TESPA1: variants seen among roughly 807,000 people sequenced by gnomAD.
TESPA1 encodes the protein thymocyte expressed, positive selection associated 1.
A neutral mutation model predicts 57.9 loss-of-function variants in TESPA1; 33 were observed. The observed-to-expected ratio is 0.57, with a 90% CI of 0.43 to 0.76. The LOEUF (loss-of-function observed/expected upper bound fraction) is 0.76. Among genes scored for constraint, TESPA1 ranks in the 30% least tolerant of loss-of-function variants. The probability of loss-of-function intolerance (pLI) is 0.00; values close to 1 mark genes in which losing one functional copy is unlikely to be tolerated. For missense variants in TESPA1, 618 were observed against 632.9 expected, an observed-to-expected ratio of 0.98 and a Z score of 0.25; for synonymous variants, 227 against 228.9, an observed-to-expected ratio of 0.99 and a Z score of 0.07.
intron 3 of TESPA1, among the ~76,000 whole-genome samples, chr12:54,969,046 T>TATATATATATATATATATAC (rs71070858): frequency 0.016 from 1,925 of 123,766 alleles, 146 homozygotes; most frequent in East Asian, 0.085. Context: ...TATATATATA[T>TATATATATATATATATATAC]GTGTGTGTGT....
At chr12:54,956,419 T>C (rs1051134536) in intron 10 of TESPA1, among the ~76,000 whole-genome samples, 1 of 152,190 alleles carries the variant, frequency 6.6e-6, no homozygotes, top group Non-Finnish European at 1.5e-5. Context: ...AATAAAAACT[T>C]TCTCCTTGGC....
chr12:54,979,305 C>T (rs1952232993), intron 1 of TESPA1, among the ~76,000 whole-genome samples: 1 of 152,278 alleles, frequency 6.6e-6, no homozygotes, highest in African/African-American at 2.4e-5. Context: ...CTTGATGCTG[C>T]TTATAGTATG....
In TESPA1 at chr12:54,963,821, G is replaced by A; in HGVS notation, c.576C>T (p.Ala192=). 6.2e-7 allele frequency: 1 copy of A among 1,614,006 alleles called. No individual in the cohort carries two copies. Among genetic ancestry groups the A allele is most frequent in the Non-Finnish European group, 8.5e-7 (1 of 1,179,886 alleles). ...PARFFTTPSQ[A]KGIDFQLFLK... ...GGAAGAGCTGGAAATCAATGCCCTT[G>A]GCCTGAGAGGGGGTGGTGAAAAATC... Residue 192 remains alanine (A), a synonymous_variant, in exon 8 of 11, where the codon GCC becomes GCT. Coordinates refer to ENST00000449076, the MANE Select transcript of TESPA1 (RefSeq NM_001136030.3).
Position 54,973,527 on chromosome 12 carries a change from A to T in TESPA1, c.164-8T>A. 6.2e-7 allele frequency: 1 copy of T among 1,614,032 alleles called. No homozygotes were observed. The highest frequency in any genetic ancestry group is 8.5e-7 in the Non-Finnish European group (1 of 1,179,894). On this transcript the variant is annotated splice_polypyrimidine_tract_variant and splice_region_variant and intron_variant, in intron 2 of 10. Coordinates refer to ENST00000449076, the MANE Select transcript of TESPA1 (RefSeq NM_001136030.3). ...TTTTATTGATTGGATTCCCTAGAAA[A>T]GTCAGACACTAGATCACTGTGAGAA...
intron 10 of TESPA1, among the ~76,000 whole-genome samples, chr12:54,958,729 C>A (rs2450849): frequency 0.71 from 107,201 of 151,976 alleles, 38,213 homozygotes; most frequent in South Asian, 0.83. Flanking sequence ...CTTAGCTTTT[C>A]AGTTTTGGTG....
intron 8 of TESPA1, 143 bp downstream of exon 8, chr12:54,963,599 T>C (rs555106979): frequency 7.3e-5 from 70 of 960,106 alleles, no homozygotes; most frequent in Non-Finnish European, 9.9e-5. Flanking sequence ...CCATCTTCAC[T>C]GAAGACAACA....
Position 54,948,371 on chromosome 12 carries a change from G to T in TESPA1, c.*2021C>A. On this transcript the variant is annotated 3_prime_UTR_variant, in exon 11 of 11. Coordinates refer to ENST00000449076, the MANE Select transcript of TESPA1 (RefSeq NM_001136030.3). ...CTTGGGCTCAGAGGCCTGACAGTTT[G>T]GATCTGTGTCCTCACCCAAATCTCA... The T allele has an allele frequency of 5.7e-6, 1 of 175,336 alleles. No individual in the cohort carries two copies. Among genetic ancestry groups the T allele is most frequent in the Non-Finnish European group, 1.2e-5 (1 of 84,448 alleles). 10.9% of individuals were successfully genotyped at this position (175,336 alleles called of 1,614,324 possible). A position where few individuals can be genotyped will look rare whatever the true frequency, so the allele number is the denominator to read the frequency against.
rs765306333 is a variant in TESPA1, at chr12:54,974,558, T to A, written c.5A>T (p.Glu2Val). M[E>V]ASVLSPTSWE... ...GGATGTGGGGCTCAGCACAGAGGCCTCCATGGCCCTGGCTCAGACTTCAGG... is the reference window on the plus strand; with the variant it reads ...GGATGTGGGGCTCAGCACAGAGGCCACCATGGCCCTGGCTCAGACTTCAGG... The change falls in exon 2 of 11, where the codon GAG (glutamate) becomes GTG (valine). Residue 2 changes from glutamate to valine, a missense_variant. Coordinates refer to ENST00000449076, the MANE Select transcript of TESPA1 (RefSeq NM_001136030.3). 1.9e-6 allele frequency: 3 copies of A among 1,579,042 alleles called. No individual in the cohort carries two copies. Among genetic ancestry groups the A allele is most frequent in the Non-Finnish European group, 2.6e-6 (3 of 1,162,040 alleles).
rs79969168 is a variant in TESPA1 at position 54,962,733 on chromosome 12, G to A, written c.1165C>T (p.Pro389Ser). 7,990 of 1,613,908 alleles carry A rather than the reference G, an allele frequency of 5.0e-3. 46 individuals carry two copies. The highest frequency in any genetic ancestry group is 0.022 in the Middle Eastern group (134 of 6,060). The change falls in exon 9 of 11, where the codon CCC becomes TCC. Residue 389 changes from proline to serine, a missense_variant. Around this residue, in one of 3 missense-constraint regions of TESPA1, gnomAD observed 409 missense variants for 420.1 expected, o/e 0.97. Transcript: ENST00000449076. ...SQTLDSNPKVPCCTHSLPIED... is the reference protein window; with the variant it reads ...SQTLDSNPKVSCCTHSLPIED... ...ATGGGCAGAGAATGTGTGCAACAGG[G>A]TACCTTGGGGTTCGAATCCAGAGTT... is the stretch of plus-strand genomic sequence containing the variant.
rs184546735 is a variant in TESPA1, at chr12:54,963,851, G to A, written c.546C>T (p.Pro182=). The change falls in exon 8 of 11, where the codon CCC becomes CCT. Residue 182 remains proline, a synonymous_variant. Transcript: ENST00000449076. ...GAGAGGGGGTGGTGAAAAATCGGGCGGGTATCCGAGAAGTGTCTTTGTGAT... is the reference window on the plus strand; with the variant it reads ...GAGAGGGGGTGGTGAAAAATCGGGCAGGTATCCGAGAAGTGTCTTTGTGAT... The part of the protein sequence containing the change: ...QEDHKDTSRI[P]ARFFTTPSQA... 4.9e-5 allele frequency: 79 copies of A among 1,613,978 alleles called. No individual in the cohort carries two copies. In the East Asian group the frequency reaches 7.1e-4, roughly 15 times the overall value.
At chr12:54,960,848 T>A (rs1241797903) in intron 10 of TESPA1, among the ~76,000 whole-genome samples, 2 of 152,178 alleles carry the variant, frequency 1.3e-5, no homozygotes, top group Admixed American at 1.3e-4. Context: ...TGAGAACTTC[T>A]TAGAAATGCA....
intron 1 of TESPA1, among the ~76,000 whole-genome samples, chr12:54,984,361 G>A (rs894292757): frequency 2.6e-5 from 4 of 152,156 alleles, no homozygotes; most frequent in African/African-American, 7.2e-5. Context: ...TTACCTCTCT[G>A]ATAATAAAGA....
Position 54,950,027 on chromosome 12 carries a change from T to C in TESPA1, c.*365A>G, listed in dbSNP as rs140962477. 331 of 219,450 alleles carry C rather than the reference T, an allele frequency of 1.5e-3. 4 individuals carry two copies. Among genetic ancestry groups the C allele is most frequent in the African/African-American group, 7.2e-3 (309 of 43,118 alleles). The allele number at this position is 219,450 out of a possible 1,614,324, so 13.6% of individuals were successfully genotyped here. ...AAACTTGATCCTGAAGTCTCCTAACTGCCCTTGGCAATGTCAAAGCTTGGG... is the reference window on the plus strand; with the variant it reads ...AAACTTGATCCTGAAGTCTCCTAACCGCCCTTGGCAATGTCAAAGCTTGGG... On this transcript the variant is annotated 3_prime_UTR_variant, in exon 11 of 11. Transcript: ENST00000449076.
chr12:54,955,161 T>C (rs1277190877), intron 10 of TESPA1, among the ~76,000 whole-genome samples: 1 of 152,254 alleles, frequency 6.6e-6, no homozygotes, highest in Non-Finnish European at 1.5e-5. Flanking sequence ...GATTTTGATT[T>C]GCATTTTCTT....
intron 10 of TESPA1, among the ~76,000 whole-genome samples, chr12:54,960,720 GGATGCT>G (rs1951019745): frequency 6.6e-6 from 1 of 152,164 alleles, no homozygotes; most frequent in African/African-American, 2.4e-5. Flanking sequence ...AAATCCCAGG[GGATGCT>G]GATGCTCCTT....
Position 54,965,966 on chromosome 12 carries a change from AG to A in TESPA1, c.446+86del. ...CATAAAAGCTCCAGTAAGATATCCC[AG>A]AAAAAACAGGCAATGGCTCTTGGTT... On this transcript the variant is annotated intron_variant, in intron 7 of 10. Transcript: ENST00000449076. 3.1e-6 allele frequency: 4 copies of A among 1,287,894 alleles called. No homozygotes were observed. In the South Asian group the frequency reaches 4.0e-5, roughly 13 times the overall value. The allele number at this position is 1,287,894 out of a possible 1,614,324, so 79.8% of individuals were successfully genotyped here.
intron 3 of TESPA1, among the ~76,000 whole-genome samples, chr12:54,971,053 T>G (rs1000591989): frequency 4.6e-5 from 7 of 152,200 alleles, no homozygotes; most frequent in Non-Finnish European, 7.3e-5. Context: ...GGCAGAATAG[T>G]CGGCCGCTAG....
intron 2 of TESPA1, chr12:54,973,924 G>A: frequency 9.6e-7 from 1 of 1,043,358 alleles, no homozygotes; most frequent in Non-Finnish European, 1.2e-6. Context: ...TATGACTGTG[G>A]TCTCATCTGA....
chr12:54,973,558 C>A lies in TESPA1; in HGVS notation c.164-39G>T, dbSNP rs775293696. On this transcript the variant is annotated intron_variant, in intron 2 of 10. Transcript: ENST00000449076. ...ACACTAGATCACTGTGAGAACTGAA[C>A]GAAATCAGACCTCCTCCCTGCAACT... is the stretch of plus-strand genomic sequence containing the variant. 10 of 1,613,710 alleles carry A rather than the reference C, an allele frequency of 6.2e-6. No homozygotes were observed. In the Admixed American group the frequency reaches 6.7e-5, roughly 11 times the overall value.
Sources: allele counts gnomAD v4.1 joint callset (sites outside exome capture counted in the v4.1 genomes callset), GRCh38; gene constraint gnomAD v4.1.1; regional missense constraint gnomAD v4.1.1; transcripts MANE v1.5; gene names NCBI Gene and HGNC (gene_info 2026-07-23, HGNC 2026-07-21).